Variants in AK5 observed in about 807,000 individuals in gnomAD.
The protein encoded by AK5 is adenylate kinase isoenzyme 5.
AK5 carries 27 observed loss-of-function variants against 69.5 expected under a neutral mutation model. That is an observed-to-expected ratio of 0.39 (90% confidence interval 0.29 to 0.54). The LOEUF is 0.54. Among genes scored for constraint, AK5 ranks in the 20% least tolerant of loss-of-function variants. The pLI is 0.71. For missense variants in AK5, 531 were observed against 700.4 expected (o/e 0.76, Z 2.73); for synonymous variants, 260 against 244.4 (o/e 1.06, Z -0.60).
At chr1:77,306,569 A>G (rs2815317) in intron 5 of AK5, among the ~76,000 whole-genome samples, 21,575 of 122,262 alleles carry the variant, frequency 0.18, 2,059 homozygotes, top group Non-Finnish European at 0.23. Flanking sequence ...CTTTTTTTTG[A>G]TACGTCTTTC....
chr1:77,413,996 A>G (rs1650227496), intron 7 of AK5, among the ~76,000 whole-genome samples: 1 of 152,186 alleles, frequency 6.6e-6, no homozygotes, highest in African/African-American at 2.4e-5. Flanking sequence ...AACACTTTCC[A>G]TGCCTGTGGA....
At chr1:77,530,280 G>A (rs910339433) in intron 12 of AK5, among the ~76,000 whole-genome samples, 1 of 152,198 alleles carries the variant, frequency 6.6e-6, no homozygotes, top group African/African-American at 2.4e-5. Flanking sequence ...TGTGTGGGGG[G>A]AGAAGTTATA....
intron 8 of AK5, among the ~76,000 whole-genome samples, chr1:77,418,782 A>T (rs961663042): frequency 1.4e-5 from 2 of 145,094 alleles, no homozygotes; most frequent in East Asian, 4.0e-4. Context: ...AAGCAAACAG[A>T]TCAGACCAGT....
chr1:77,284,815 G>C (rs564527285), intron 1 of AK5, among the ~76,000 whole-genome samples: 6 of 152,296 alleles, frequency 3.9e-5, no homozygotes, highest in Non-Finnish European at 7.4e-5. Context: ...TGAATTATCC[G>C]TGAAGGAATG....
intron 8 of AK5, among the ~76,000 whole-genome samples, chr1:77,429,709 T>C (rs1198088211): frequency 6.6e-6 from 1 of 152,148 alleles, no homozygotes; most frequent in Admixed American, 6.5e-5. Context: ...TCCGCCCGCC[T>C]CGGCCTCCAA....
rs563555269 is a variant in AK5 at position 77,510,136 on chromosome 1, T to A, written c.1148-8428T>A. On this transcript the variant is annotated intron_variant, in intron 10 of 13. Transcript: ENST00000354567. ...GAAAGGAGCAGAGTTGTCATTTTTG[T>A]GGGGCCACAGGCTCCTGGACACTGG... Among the ~76,000 whole-genome samples the A allele has an allele frequency of 8.2e-4, 124 of 151,702 alleles. 5 individuals carry two copies. The South Asian group carries it at 0.025, about 30-fold the overall frequency.
chr1:77,514,496 C>T (rs2100299396), intron 10 of AK5, among the ~76,000 whole-genome samples: 1 of 152,300 alleles, frequency 6.6e-6, no homozygotes, highest in South Asian at 2.1e-4. Flanking sequence ...ATTTATGTTT[C>T]TACCAGCAGT....
At chr1:77,480,106 C>T (rs1655166206) in intron 8 of AK5, among the ~76,000 whole-genome samples, 1 of 138,908 alleles carries the variant, frequency 7.2e-6, no homozygotes, top group Non-Finnish European at 1.5e-5. Flanking sequence ...AGAAGTGTTT[C>T]CCATTCACCC....
At chr1:77,499,869 CATTTTTTTTTTTTTT>C (rs1443553171) in intron 10 of AK5, among the ~76,000 whole-genome samples, 15 of 78,776 alleles carry the variant, frequency 1.9e-4, no homozygotes, top group African/African-American at 4.1e-4. Context: ...GCCCTTTTTC[CATTTTTTTTTTTTTT>C]TTTTTTTTTT....
intron 8 of AK5, among the ~76,000 whole-genome samples, chr1:77,475,926 T>C (rs1046085334): frequency 6.6e-6 from 1 of 152,130 alleles, no homozygotes; most frequent in African/African-American, 2.4e-5. Flanking sequence ...TGAACACGTA[T>C]TTGAGATGAT....
chr1:77,376,440 AAAAAAAAAAAC>A (rs1485873614), intron 6 of AK5, among the ~76,000 whole-genome samples: 9 of 112,196 alleles, frequency 8.0e-5, no homozygotes, highest in African/African-American at 1.4e-4. Context: ...TGCCAAAAAA[AAAAAAAAAAAC>A]AAAAAAAAAA....
intron 6 of AK5, among the ~76,000 whole-genome samples, chr1:77,401,785 G>C (rs752117990): frequency 1.3e-5 from 2 of 152,144 alleles, no homozygotes; most frequent in Non-Finnish European, 2.9e-5. Flanking sequence ...TCCTCCCTCT[G>C]CTATAATTCC....
chr1:77,367,579 A>ATATATATATATATATATATAT (rs71075732), intron 6 of AK5, among the ~76,000 whole-genome samples: 1 of 53,364 alleles, frequency 1.9e-5, no homozygotes, highest in African/African-American at 1.1e-4. Flanking sequence ...ATATATATAT[A>ATATATATATATATATATATAT]ATATATATGT....
chr1:77,407,803 C>T (rs112106653), intron 6 of AK5, among the ~76,000 whole-genome samples: 13,583 of 152,000 alleles, frequency 0.089, 825 homozygotes, highest in African/African-American at 0.16. Context: ...CTCTAGTAGT[C>T]CCCAGAGTCT....
rs1295146839 is a variant in AK5, at chr1:77,411,063, C to T, written c.974C>T (p.Ala325Val). The T allele has an allele frequency of 1.2e-5, 19 of 1,613,222 alleles. No homozygotes were observed. Among genetic ancestry groups the T allele is most frequent in the Non-Finnish European group, 1.6e-5 (19 of 1,179,734 alleles). The part of the protein sequence containing the change: ...VDNKLFPNKE[A>V]AAGSSDLDPS... ...AACAAGTTATTTCCAAACAAAGAGG[C>T]TGCAGCAGGTAAGTCACTGTGTCCT... The change falls in exon 7 of 14, where the codon GCT (alanine) becomes GTT (valine). Residue 325 changes from alanine to valine, a missense_variant. By Grantham distance (64) the Ala-to-Val change is moderately conservative. Transcript: ENST00000354567.
intron 8 of AK5, among the ~76,000 whole-genome samples, chr1:77,440,752 T>TG (rs965451334): frequency 3.5e-4 from 53 of 151,432 alleles, no homozygotes; most frequent in African/African-American, 7.0e-4. Flanking sequence ...TCTTTTTTTT[T>TG]TTGTTGTTTT....
At chr1:77,286,301 A>G (rs1011225772) in intron 1 of AK5, among the ~76,000 whole-genome samples, 2 of 151,086 alleles carry the variant, frequency 1.3e-5, no homozygotes, top group African/African-American at 2.4e-5. Flanking sequence ...AATAATGACC[A>G]GGGGCATTTT....
At chr1:77,379,907 TA>T (rs1647508210) in intron 6 of AK5, among the ~76,000 whole-genome samples, 1 of 152,216 alleles carries the variant, frequency 6.6e-6, no homozygotes, top group South Asian at 2.1e-4. Flanking sequence ...CAATGGGGTC[TA>T]AAACATGTTT....
chr1:77,531,894 G>A (rs1472209825), intron 12 of AK5, among the ~76,000 whole-genome samples: 3 of 151,906 alleles, frequency 2.0e-5, no homozygotes, highest in South Asian at 2.1e-4. Context: ...TGCAGGTCCC[G>A]AGCCCTGCCC....
Sources: gnomAD v4.1 joint callset for allele counts (sites outside exome capture counted in the v4.1 genomes callset) on GRCh38, gnomAD v4.1.1 for gene constraint, MANE v1.5 for transcripts, NCBI Gene and HGNC (gene_info 2026-07-23, HGNC 2026-07-21) for gene names.